ADGRB3: variants seen among roughly 807,000 people sequenced by gnomAD.
ADGRB3 encodes brain-specific angiogenesis inhibitor 3.
ADGRB3 carries 37 observed loss-of-function variants against 193.4 expected under a neutral mutation model. That is an observed-to-expected ratio of 0.19 (90% CI 0.15 to 0.25). ADGRB3 has a LOEUF of 0.25. Ranked by LOEUF, ADGRB3 falls within the 10% of genes least tolerant of loss-of-function variation. The probability of loss-of-function intolerance (pLI) is 1.00; values close to 1 mark genes in which losing one functional copy is unlikely to be tolerated. For synonymous variants in ADGRB3, 690 were observed against 644.2 expected (o/e 1.07, Z -1.08); for missense variants, 1,637 against 1,852.9 (o/e 0.88, Z 2.14).
At chr6:69,364,904 C>G (rs1315532132) in intron 29 of ADGRB3, among the ~76,000 whole-genome samples, 6 of 152,056 alleles carry the variant, frequency 3.9e-5, no homozygotes, top group Non-Finnish European at 8.8e-5. Flanking sequence ...AAAGAGATAT[C>G]ATGGTTCTCA....
chr6:69,313,589 G>A (rs1357865662), intron 20 of ADGRB3, among the ~76,000 whole-genome samples: 2 of 151,576 alleles, frequency 1.3e-5, no homozygotes, highest in Non-Finnish European at 3.0e-5. Context: ...ATTATCCTTG[G>A]TTTTGAGTGC....
intron 3 of ADGRB3, among the ~76,000 whole-genome samples, chr6:68,718,778 G>A (rs1202409528): frequency 6.6e-6 from 1 of 151,724 alleles, no homozygotes; most frequent in Non-Finnish European, 1.5e-5. Flanking sequence ...TAATCTATCA[G>A]CTAGAGCAAG....
intron 17 of ADGRB3, among the ~76,000 whole-genome samples, chr6:69,228,690 T>C (rs1766072052): frequency 6.6e-6 from 1 of 152,210 alleles, no homozygotes; most frequent in Non-Finnish European, 1.5e-5. Flanking sequence ...ATGTTGGTGT[T>C]ACTCTTTTTA....
chr6:69,376,931 T>A (rs1047516447), intron 30 of ADGRB3, among the ~76,000 whole-genome samples: 2 of 152,098 alleles, frequency 1.3e-5, no homozygotes, highest in Non-Finnish European at 2.9e-5. Context: ...AATATGCAAC[T>A]AATTTTTGCT....
intron 3 of ADGRB3, among the ~76,000 whole-genome samples, chr6:68,756,559 G>A (rs551605114): frequency 3.9e-5 from 6 of 152,208 alleles, no homozygotes; most frequent in African/African-American, 1.4e-4. Flanking sequence ...TTATTTTCCT[G>A]TAGTGCAGGT....
chr6:69,095,953 T>C (rs965334747), intron 17 of ADGRB3, among the ~76,000 whole-genome samples: 1 of 152,194 alleles, frequency 6.6e-6, no homozygotes, highest in East Asian at 1.9e-4. Context: ...AGAGCAGATA[T>C]AAATAATGAG....
chr6:69,097,453 G>A (rs961615058), intron 17 of ADGRB3, among the ~76,000 whole-genome samples: 1 of 152,028 alleles, frequency 6.6e-6, no homozygotes, highest in African/African-American at 2.4e-5. Flanking sequence ...AAATAAGAAG[G>A]ATTTTCTGGG....
intron 20 of ADGRB3, among the ~76,000 whole-genome samples, chr6:69,308,587 T>G (rs1768114088): frequency 6.6e-6 from 1 of 151,658 alleles, no homozygotes; most frequent in Non-Finnish European, 1.5e-5. Flanking sequence ...AAGGTAATAT[T>G]TAGGTTTAAT....
chr6:69,210,714 T>C lies in ADGRB3; in HGVS notation c.2481-22576T>C, dbSNP rs183007459. 2.7e-3 allele frequency among the ~76,000 whole-genome samples: 415 copies of C among 152,218 alleles called. 3 individuals carry two copies. The highest frequency in any genetic ancestry group is 9.3e-3 in the African/African-American group (385 of 41,538). Reference sequence around the variant, plus strand: ...TTAATCATTTCTTAAAGGTCCCATCTCTCAACACTGTTAAAATGGCAAATA... The same window carrying C: ...TTAATCATTTCTTAAAGGTCCCATCCCTCAACACTGTTAAAATGGCAAATA... On this transcript the variant is annotated intron_variant, in intron 17 of 31. Coordinates refer to ENST00000370598, the MANE Select transcript of ADGRB3 (RefSeq NM_001704.3).
chr6:69,299,491 T>C (rs1350406522), intron 20 of ADGRB3, among the ~76,000 whole-genome samples: 1 of 151,824 alleles, frequency 6.6e-6, no homozygotes, highest in Non-Finnish European at 1.5e-5. Flanking sequence ...CCCAGAGCAA[T>C]GTCCAGTAGT....
chr6:69,270,666 G>A (rs1767153880), intron 20 of ADGRB3, among the ~76,000 whole-genome samples: 1 of 152,108 alleles, frequency 6.6e-6, no homozygotes, highest in South Asian at 2.1e-4. Flanking sequence ...GTCCCCTTAA[G>A]TAACGATTTG....
At chr6:69,046,987 A>G (rs554406638) in intron 13 of ADGRB3, among the ~76,000 whole-genome samples, 5 of 152,104 alleles carry the variant, frequency 3.3e-5, no homozygotes, top group Non-Finnish European at 7.4e-5. Context: ...CCTCCCGAGT[A>G]GCTGGGACTA....
chr6:68,843,515 T>C (rs956063858), intron 3 of ADGRB3, among the ~76,000 whole-genome samples: 3 of 151,908 alleles, frequency 2.0e-5, no homozygotes, highest in Admixed American at 6.6e-5. Context: ...ATGAAAGAAA[T>C]TGAAGATGAC....
intron 10 of ADGRB3, among the ~76,000 whole-genome samples, chr6:68,992,398 G>A (rs1218214529): frequency 3.3e-5 from 5 of 152,126 alleles, no homozygotes; most frequent in African/African-American, 1.2e-4. Context: ...TCTACTTTGA[G>A]GGTTCATGTC....
chr6:69,345,841 C>CA (rs376700650), intron 26 of ADGRB3, among the ~76,000 whole-genome samples: 95 of 152,220 alleles, frequency 6.2e-4, no homozygotes, highest in Middle Eastern at 3.4e-3. Flanking sequence ...GACATGATTG[C>CA]ATATTTAGAA....
At chr6:69,062,816 G>C in intron 15 of ADGRB3, 118 bp from the exon 16 acceptor site, 1 of 678,062 alleles carries the variant, frequency 1.5e-6, no homozygotes, top group Admixed American at 2.7e-5. Flanking sequence ...ATAATACTAC[G>C]ATTTATGTTT....
At chr6:69,221,681 C>T (rs917325915) in intron 17 of ADGRB3, among the ~76,000 whole-genome samples, 4 of 152,066 alleles carry the variant, frequency 2.6e-5, no homozygotes, top group South Asian at 2.1e-4. Flanking sequence ...TGTGGAATTT[C>T]GTATATGGTT....
At chr6:68,933,570 A>T (rs553107555) in intron 4 of ADGRB3, among the ~76,000 whole-genome samples, 1 of 152,336 alleles carries the variant, frequency 6.6e-6, no homozygotes, top group Non-Finnish European at 1.5e-5. Flanking sequence ...TTCAGCCTGG[A>T]CTATAGAGTG....
intron 20 of ADGRB3, among the ~76,000 whole-genome samples, chr6:69,301,902 C>A (rs182508668): frequency 6.6e-6 from 1 of 151,858 alleles, no homozygotes; most frequent in Admixed American, 6.6e-5. Flanking sequence ...CAAGAAAATG[C>A]AAAGTCATTG....
Sources: gnomAD v4.1 joint callset for allele counts (sites outside exome capture counted in the v4.1 genomes callset) on GRCh38, gnomAD v4.1.1 for gene constraint, MANE v1.5 for transcripts, NCBI Gene and HGNC (gene_info 2026-07-23, HGNC 2026-07-21) for gene names.